The following SLC16A7 variants were observed in gnomAD, a reference collection of about 807,000 sequenced individuals.
SLC16A7 encodes solute carrier family 16 member 7.
SLC16A7 carries 33 observed loss-of-function variants against 34.9 expected under a neutral mutation model. The observed-to-expected ratio is 0.94, with a 90% CI of 0.72 to 1.26. SLC16A7 has a LOEUF of 1.26. Among genes scored for constraint, SLC16A7 ranks in the 50% most tolerant of loss-of-function variants. The pLI is 0.00. For synonymous variants in SLC16A7, 201 were observed against 206.6 expected, an observed-to-expected ratio of 0.97 and a Z score of 0.23; for missense variants, 573 against 578.1, an observed-to-expected ratio of 0.99 and a Z score of 0.09.
At chr12:59,639,097 ACT>A (rs2137003617) in intron 1 of SLC16A7, among the ~76,000 whole-genome samples, 1 of 152,018 alleles carries the variant, frequency 6.6e-6, no homozygotes, top group Non-Finnish European at 1.5e-5. Context: ...TTTTCATAAC[ACT>A]CTTGTAATTG....
chr12:59,728,909 C>CT (rs1876608052), intron 3 of SLC16A7, among the ~76,000 whole-genome samples: 1 of 152,158 alleles, frequency 6.6e-6, no homozygotes, highest in South Asian at 2.1e-4. Flanking sequence ...AGTTTATTAA[C>CT]TTCTTAAGTG....
intron 3 of SLC16A7, 88 bp downstream of exon 3, chr12:59,705,106 A>G (rs1873414393): frequency 2.3e-6 from 2 of 883,652 alleles, no homozygotes; most frequent in Non-Finnish European, 3.7e-6. Flanking sequence ...TTGGTATATT[A>G]AAACCCTGTT....
chr12:59,760,101 C>T (rs183057242), intron 3 of SLC16A7, among the ~76,000 whole-genome samples: 18 of 151,934 alleles, frequency 1.2e-4, no homozygotes, highest in Non-Finnish European at 2.4e-4. Flanking sequence ...ATTACAAGAA[C>T]AAAACAATTC....
intron 2 of SLC16A7, among the ~76,000 whole-genome samples, chr12:59,670,073 G>A (rs1454579256): frequency 6.6e-6 from 1 of 152,156 alleles, no homozygotes; most frequent in Non-Finnish European, 1.5e-5. Context: ...GCTGGGCTGT[G>A]CTTTCTTGAA....
At chr12:59,749,600 C>A (rs1879273992) in intron 3 of SLC16A7, among the ~76,000 whole-genome samples, 1 of 152,100 alleles carries the variant, frequency 6.6e-6, no homozygotes, top group Non-Finnish European at 1.5e-5. Flanking sequence ...TGGAAGAGAA[C>A]CTCTATATAG....
intron 1 of SLC16A7, among the ~76,000 whole-genome samples, chr12:59,646,910 G>T (rs1003333322): frequency 6.6e-6 from 1 of 152,150 alleles, no homozygotes; most frequent in Non-Finnish European, 1.5e-5. Context: ...TTTCAGACTT[G>T]CATGGGCCTG....
At chr12:59,609,963 T>C (rs553212060) in intron 1 of SLC16A7, among the ~76,000 whole-genome samples, 1 of 152,306 alleles carries the variant, frequency 6.6e-6, no homozygotes, top group Non-Finnish European at 1.5e-5. Flanking sequence ...CATCACCTCA[T>C]GCAATCCTTA....
intron 2 of SLC16A7, among the ~76,000 whole-genome samples, chr12:59,667,139 TATC>T (rs1869272827): frequency 6.6e-6 from 1 of 152,154 alleles, no homozygotes; most frequent in Non-Finnish European, 1.5e-5. Flanking sequence ...ATCATGAGAA[TATC>T]ATGGGAAAGA....
intron 3 of SLC16A7, chr12:59,733,997 C>T (rs1403878485): frequency 5.6e-6 from 2 of 356,852 alleles, no homozygotes; most frequent in African/African-American, 2.1e-5. Context: ...GGTCTGTGGG[C>T]AGCCATGGGT....
At chr12:59,738,830 AT>A (rs796677148) in intron 3 of SLC16A7, among the ~76,000 whole-genome samples, 1,487 of 141,536 alleles carry the variant, frequency 0.011, 9 homozygotes, top group Admixed American at 0.014. Context: ...ATCCTCAAAG[AT>A]TTTTTTTTTT....
At chr12:59,714,218 G>T (rs2137176270) in intron 3 of SLC16A7, among the ~76,000 whole-genome samples, 1 of 152,142 alleles carries the variant, frequency 6.6e-6, no homozygotes, top group East Asian at 1.9e-4. Flanking sequence ...GTGAAAAGAT[G>T]GAGAAAGTTG....
At chr12:59,691,354 T>A (rs1871626032) in intron 2 of SLC16A7, among the ~76,000 whole-genome samples, 1 of 151,986 alleles carries the variant, frequency 6.6e-6, no homozygotes, top group South Asian at 2.1e-4. Context: ...TTGAGTTGTT[T>A]ACAAAAAAAA....
intron 2 of SLC16A7, among the ~76,000 whole-genome samples, chr12:59,657,629 T>A (rs1190767470): frequency 6.6e-6 from 1 of 152,030 alleles, no homozygotes; most frequent in Non-Finnish European, 1.5e-5. Context: ...ACAGTGGTGG[T>A]GGGTCTGCTT....
intron 1 of SLC16A7, among the ~76,000 whole-genome samples, chr12:59,609,649 A>T (rs1203874807): frequency 1.3e-5 from 2 of 152,194 alleles, no homozygotes; most frequent in Non-Finnish European, 2.9e-5. Context: ...TAACATTTCC[A>T]TCCAACTTTT....
chr12:59,706,312 T>C (rs1873560436), intron 3 of SLC16A7, among the ~76,000 whole-genome samples: 1 of 152,106 alleles, frequency 6.6e-6, no homozygotes, highest in African/African-American at 2.4e-5. Flanking sequence ...TTTAGGACAT[T>C]ATCTTTTTGT....
chr12:59,702,167 A>G (rs1872963366), intron 2 of SLC16A7, among the ~76,000 whole-genome samples: 1 of 151,920 alleles, frequency 6.6e-6, no homozygotes, highest in Admixed American at 6.6e-5. Flanking sequence ...TCTTTAGACA[A>G]CTTTCAAAGA....
rs114961607 is a variant in SLC16A7, at chr12:59,751,956, C to T, written c.218-19263C>T. ...GCAGCATTAGCGGTTCACGAAAATC[C>T]GCTGATCTGCAGCCACCAGTGCTGG... is the stretch of plus-strand genomic sequence containing the variant. On this transcript the variant is annotated intron_variant, in intron 3 of 5. Transcript: ENST00000547379. Among the ~76,000 whole-genome samples, 1,180 of 152,234 alleles carry T rather than the reference C, an allele frequency of 7.8e-3. 12 individuals carry two copies. Among genetic ancestry groups the T allele is most frequent in the African/African-American group, 0.026 (1,086 of 41,530 alleles).
At position 59,704,765 on chromosome 12, in the gene SLC16A7, A is replaced by T; in HGVS notation, c.-30-7A>T. ...ATTTAAACTGTTATTTCATTATTTT[A>T]ATATAGGTTACTTGAATTTCCACTA... is the stretch of plus-strand genomic sequence containing the variant. On this transcript the variant is annotated splice_polypyrimidine_tract_variant and splice_region_variant and intron_variant, in intron 2 of 5. Transcript: ENST00000547379. 1 of 1,385,506 alleles carries T rather than the reference A, an allele frequency of 7.2e-7. No homozygotes were observed. Among genetic ancestry groups the T allele is most frequent in the Non-Finnish European group, 1.0e-6 (1 of 985,224 alleles). 85.8% of individuals were successfully genotyped at this position (1,385,506 alleles called of 1,614,324 possible).
chr12:59,727,149 G>GATATATATATATAT, intron 3 of SLC16A7, among the ~76,000 whole-genome samples: 1 of 109,714 alleles, frequency 9.1e-6, no homozygotes, highest in African/African-American at 4.7e-5. Flanking sequence ...ATATGAGATG[G>GATATATATATATAT]ACATATATAT....
Sources: allele counts gnomAD v4.1 joint callset (sites outside exome capture counted in the v4.1 genomes callset), GRCh38; gene constraint gnomAD v4.1.1; transcripts MANE v1.5; gene names NCBI Gene and HGNC (gene_info 2026-07-23, HGNC 2026-07-21).